The following C12orf54 variants were observed in gnomAD, a reference collection of about 807,000 sequenced individuals.
C12orf54 encodes uncharacterized protein C12orf54.
C12orf54 carries 24 observed loss-of-function variants against 26.4 expected under a neutral mutation model. That is an observed-to-expected ratio of 0.91 (90% CI 0.66 to 1.28). The LOEUF (loss-of-function observed/expected upper bound fraction) is 1.28. Among genes scored for constraint, C12orf54 ranks in the 50% most tolerant of loss-of-function variants. The probability of loss-of-function intolerance (pLI) is 0.00; values close to 1 mark genes in which losing one functional copy is unlikely to be tolerated. For missense variants in C12orf54, 154 were observed against 150.9 expected (o/e 1.02, Z -0.11); for synonymous variants, 54 against 47.0 (o/e 1.15, Z -0.61).
At chr12:48,483,208 C>G in intron 1 of C12orf54, 32 bp from the exon 2 acceptor site, 1 of 1,145,336 alleles carries the variant, frequency 8.7e-7, no homozygotes, top group Non-Finnish European at 1.3e-6. Context: ...CATGTACCTG[C>G]CTTCTCCGCA....
At chr12:48,447,216 G>GTGTATA in the C12orf54 span, among the ~76,000 whole-genome samples, 1 of 146,098 alleles carries the variant, frequency 6.8e-6, no homozygotes, top group Non-Finnish European at 1.5e-5. Flanking sequence ...CTTACTCTGT[G>GTGTATA]TGTGTGTGTG....
At chr12:48,474,188 G>C in the C12orf54 span, among the ~76,000 whole-genome samples, 1 of 152,180 alleles carries the variant, frequency 6.6e-6, no homozygotes, top group Admixed American at 6.5e-5. Flanking sequence ...AGAATGCTTT[G>C]TTTTACAAAA....
chr12:48,431,554 T>C, the C12orf54 span, among the ~76,000 whole-genome samples: 1 of 151,930 alleles, frequency 6.6e-6, no homozygotes, highest in African/African-American at 2.4e-5. Flanking sequence ...TAACAAAATA[T>C]AAAACACAAG....
At chr12:48,487,458 T>C (rs1287319682) in intron 4 of C12orf54, among the ~76,000 whole-genome samples, 2 of 152,228 alleles carry the variant, frequency 1.3e-5, no homozygotes, top group African/African-American at 4.8e-5. Flanking sequence ...ACATGCTTTA[T>C]TTTCTGTGAC....
the C12orf54 span, among the ~76,000 whole-genome samples, chr12:48,429,657 A>G: frequency 1.3e-5 from 2 of 152,174 alleles, no homozygotes. Context: ...TGCTGAAAAA[A>G]ATCAGAGATG....
At chr12:48,464,614 C>T in the C12orf54 span, among the ~76,000 whole-genome samples, 3 of 152,134 alleles carry the variant, frequency 2.0e-5, no homozygotes, top group East Asian at 5.8e-4. Context: ...ATAGCCAGGG[C>T]AATCCTAAGC....
upstream of C12orf54, among the ~76,000 whole-genome samples, chr12:48,479,313 G>T (rs939677834): frequency 6.6e-6 from 1 of 152,144 alleles, no homozygotes; most frequent in Non-Finnish European, 1.5e-5. Flanking sequence ...ATTGAACAAT[G>T]AGAACACATG....
At chr12:48,449,709 AT>A in the C12orf54 span, among the ~76,000 whole-genome samples, 1 of 152,152 alleles carries the variant, frequency 6.6e-6, no homozygotes, top group African/African-American at 2.4e-5. Flanking sequence ...ATAACCTGAT[AT>A]TTTTTCACAT....
the C12orf54 span, among the ~76,000 whole-genome samples, chr12:48,432,241 T>G: frequency 6.6e-6 from 1 of 152,202 alleles, no homozygotes; most frequent in Non-Finnish European, 1.5e-5. Flanking sequence ...TTCCAAAATG[T>G]TTTTATTGCA....
chr12:48,446,119 T>A, the C12orf54 span, among the ~76,000 whole-genome samples: 1 of 152,200 alleles, frequency 6.6e-6, no homozygotes, highest in Non-Finnish European at 1.5e-5. Flanking sequence ...ATCCTGTTTT[T>A]CTGAGTTGGT....
chr12:48,492,366 C>T (rs752255186), intron 6 of C12orf54, among the ~76,000 whole-genome samples: 1 of 152,120 alleles, frequency 6.6e-6, no homozygotes, highest in African/African-American at 2.4e-5. Flanking sequence ...ATGCTGATCC[C>T]TAAGGTTCAA....
In C12orf54 at chr12:48,492,974, T is replaced by C; in HGVS notation, c.221T>C (p.Met74Thr). 6.2e-7 allele frequency: 1 copy of C among 1,614,098 alleles called. No homozygotes were observed. Among genetic ancestry groups the C allele is most frequent in the Non-Finnish European group, 8.5e-7 (1 of 1,179,958 alleles). ...RGMSNCSMTPMTSAPRTGSIR... is the reference protein window; with the variant it reads ...RGMSNCSMTPTTSAPRTGSIR... The stretch of plus-strand genomic sequence containing the variant: ...ATGAGCAACTGCTCCATGACACCCA[T>C]GACATCAGCACCCAGGACTGGGTAA... Residue 74 changes from methionine to threonine, a missense_variant, in exon 7 of 9, where the codon ATG (methionine) becomes ACG (threonine). Coordinates refer to ENST00000548364, the MANE Select transcript of C12orf54 (RefSeq NM_152319.4).
intron 6 of C12orf54, among the ~76,000 whole-genome samples, chr12:48,492,683 A>G (rs1937816399): frequency 6.6e-6 from 1 of 152,208 alleles, no homozygotes; most frequent in Admixed American, 6.5e-5. Context: ...GCGCCCTGGG[A>G]TGGAAACATT....
chr12:48,454,976 T>G, the C12orf54 span, among the ~76,000 whole-genome samples: 276 of 152,318 alleles, frequency 1.8e-3, 3 homozygotes, highest in African/African-American at 6.2e-3. Context: ...AACTTTTAGG[T>G]TCAGAGGGTA....
the C12orf54 span, among the ~76,000 whole-genome samples, chr12:48,434,476 C>T: frequency 2.0e-5 from 3 of 152,182 alleles, no homozygotes; most frequent in Non-Finnish European, 2.9e-5. Flanking sequence ...CAAGTGGGTC[C>T]CTGACCCCCA....
the C12orf54 span, among the ~76,000 whole-genome samples, chr12:48,469,694 T>G: frequency 6.6e-6 from 1 of 152,180 alleles, no homozygotes; most frequent in Non-Finnish European, 1.5e-5. Context: ...ATCTTCACAA[T>G]TTATGTTCAG....
At chr12:48,437,227 A>G in the C12orf54 span, among the ~76,000 whole-genome samples, 5 of 152,218 alleles carry the variant, frequency 3.3e-5, no homozygotes, top group Non-Finnish European at 7.3e-5. Flanking sequence ...TGAATAGACC[A>G]ATAACAGGCT....
chr12:48,427,005 C>G, the C12orf54 span, among the ~76,000 whole-genome samples: 10 of 152,012 alleles, frequency 6.6e-5, no homozygotes, highest in Middle Eastern at 3.2e-3. Flanking sequence ...TTTCTAGATA[C>G]AGAATCATGT....
At chr12:48,414,981 T>C in the C12orf54 span, among the ~76,000 whole-genome samples, 1 of 152,186 alleles carries the variant, frequency 6.6e-6, no homozygotes, top group Non-Finnish European at 1.5e-5. Context: ...GCATAAAAGA[T>C]CACATGGATC....
Sources: allele counts gnomAD v4.1 joint callset (sites outside exome capture counted in the v4.1 genomes callset), GRCh38; gene constraint gnomAD v4.1.1; transcripts MANE v1.5; gene names NCBI Gene and HGNC (gene_info 2026-07-23, HGNC 2026-07-21).